BICDL1: variants seen among roughly 807,000 people sequenced by gnomAD.
The protein encoded by BICDL1 is BICD family-like cargo adapter 1.
In BICDL1, 20 loss-of-function variants were observed where a neutral mutation model predicts 76.8. The observed-to-expected ratio is 0.26, with a 90% confidence interval of 0.18 to 0.38. The LOEUF is 0.38. BICDL1 is among the 10% of genes least tolerant of loss of function. BICDL1 has a pLI of 1.00. For missense variants in BICDL1, 700 were observed against 798.6 expected, an observed-to-expected ratio of 0.88 and a Z score of 1.49; for synonymous variants, 383 against 337.1, an observed-to-expected ratio of 1.14 and a Z score of -1.49.
intron 2 of BICDL1, among the ~76,000 whole-genome samples, chr12:120,039,100 C>A (rs528201729): frequency 8.3e-4 from 126 of 152,072 alleles, no homozygotes; most frequent in African/African-American, 3.0e-3. Context: ...AGTTTGAGAC[C>A]AGCCTGGCCA....
At chr12:120,058,338 G>A (rs994779538) in intron 2 of BICDL1, among the ~76,000 whole-genome samples, 2 of 152,190 alleles carry the variant, frequency 1.3e-5, no homozygotes, top group Non-Finnish European at 2.9e-5. Flanking sequence ...TTGAGAAGAG[G>A]TAGTCTGCAG....
At chr12:120,066,106 A>G (rs1953214629) in intron 4 of BICDL1, among the ~76,000 whole-genome samples, 1 of 152,166 alleles carries the variant, frequency 6.6e-6, no homozygotes, top group African/African-American at 2.4e-5. Context: ...CCTCTTTGGC[A>G]TACAGGGTGC....
At chr12:120,039,044 C>T (rs979235029) in intron 2 of BICDL1, among the ~76,000 whole-genome samples, 7 of 152,200 alleles carry the variant, frequency 4.6e-5, no homozygotes, top group African/African-American at 1.7e-4. Context: ...AGCCTGTAAA[C>T]CCAGCACTTT....
rs188518718 is a variant in BICDL1, at chr12:120,051,288, T to C, written c.646-10422T>C. Reference sequence around the variant, plus strand: ...GTCTCAAAATCCTGACTTCGTGATCTGCCTGCCTCAGCCTCCCAAAGTGCT... The same window carrying C: ...GTCTCAAAATCCTGACTTCGTGATCCGCCTGCCTCAGCCTCCCAAAGTGCT... On this transcript the variant is annotated intron_variant, in intron 2 of 9. Transcript: ENST00000548673. Among the ~76,000 whole-genome samples, 37 of 152,150 alleles carry C rather than the reference T, an allele frequency of 2.4e-4. No individual in the cohort carries two copies. The East Asian group carries it at 5.2e-3, about 21-fold the overall frequency.
intron 8 of BICDL1, among the ~76,000 whole-genome samples, chr12:120,086,578 C>T (rs1465188357): frequency 5.3e-5 from 8 of 152,152 alleles, no homozygotes; most frequent in Admixed American, 4.6e-4. Context: ...ACTTCCTTCT[C>T]GTCACTGGGC....
At chr12:120,088,948 G>A (rs1232890332) in intron 8 of BICDL1, among the ~76,000 whole-genome samples, 1 of 152,220 alleles carries the variant, frequency 6.6e-6, no homozygotes, top group South Asian at 2.1e-4. Flanking sequence ...ACAGGGGTGA[G>A]CCACCGCACC....
chr12:120,061,910 A>G (rs1306876479), intron 3 of BICDL1, 84 bp downstream of exon 3: 3 of 848,010 alleles, frequency 3.5e-6, no homozygotes, highest in Non-Finnish European at 5.9e-6. Context: ...AAAAGGGCCT[A>G]AAATCTCTAC....
chr12:120,069,794 AGATACAGACCAC>A (rs1450656549), intron 4 of BICDL1, among the ~76,000 whole-genome samples: 1 of 152,228 alleles, frequency 6.6e-6, no homozygotes, highest in Admixed American at 6.5e-5. Context: ...ATGGAGATCA[AGATACAGACCAC>A]GATCAGCACC....
chr12:120,081,743 A>C (rs1387355611), intron 8 of BICDL1, among the ~76,000 whole-genome samples: 1 of 151,448 alleles, frequency 6.6e-6, no homozygotes, highest in African/African-American at 2.4e-5. Context: ...TTTTCAAGCA[A>C]ACACAAAAAT....
chr12:120,028,255 G>A (rs1214245344), intron 2 of BICDL1, among the ~76,000 whole-genome samples: 3 of 151,902 alleles, frequency 2.0e-5, no homozygotes, highest in Non-Finnish European at 4.4e-5. Context: ...TTTTACTCGA[G>A]TTTTAATTAA....
In BICDL1 at chr12:120,051,927, TTTG is replaced by T. The variant is rs144679799; in HGVS notation, c.646-9756_646-9754del. Among the ~76,000 whole-genome samples the T allele has an allele frequency of 4.5e-3, 676 of 151,632 alleles. 6 individuals carry two copies. The highest frequency in any genetic ancestry group is 0.011 in the South Asian group (53 of 4,800). ...TCCAATCTCTGCCAGTTTCTCAGTC[TTTG>T]TTGTTGTTGTTGTTGTTGTTGTTGT... is the stretch of plus-strand genomic sequence containing the variant. On this transcript the variant is annotated intron_variant, in intron 2 of 9. Transcript: ENST00000548673.
At chr12:120,010,517 A>G (rs1222832498) in intron 2 of BICDL1, among the ~76,000 whole-genome samples, 2 of 152,188 alleles carry the variant, frequency 1.3e-5, no homozygotes, top group Non-Finnish European at 2.9e-5. Flanking sequence ...AAAAAATCCC[A>G]TATAATTTGG....
At chr12:120,085,288 CA>C (rs1234624365) in intron 8 of BICDL1, among the ~76,000 whole-genome samples, 9 of 145,346 alleles carry the variant, frequency 6.2e-5, no homozygotes, top group East Asian at 2.0e-4. Flanking sequence ...CCTACCCAAA[CA>C]AAAAAAAAAG....
chr12:120,024,853 T>C (rs767811779), intron 2 of BICDL1, among the ~76,000 whole-genome samples: 1 of 151,976 alleles, frequency 6.6e-6, no homozygotes, highest in African/African-American at 2.4e-5. Flanking sequence ...TGTTGTTATA[T>C]TTTTAGTAAA....
intron 2 of BICDL1, among the ~76,000 whole-genome samples, chr12:120,047,486 T>A (rs1186926244): frequency 6.6e-6 from 1 of 152,216 alleles, no homozygotes. Context: ...ATTAGGGTTT[T>A]GAACCAGATT....
At chr12:120,047,411 C>T (rs763669710) in intron 2 of BICDL1, among the ~76,000 whole-genome samples, 3 of 152,184 alleles carry the variant, frequency 2.0e-5, no homozygotes, top group Non-Finnish European at 4.4e-5. Context: ...CAGGAACCTT[C>T]ATGCAAATTG....
intron 2 of BICDL1, among the ~76,000 whole-genome samples, chr12:120,008,237 T>C (rs769746956): frequency 1.4e-4 from 20 of 141,470 alleles, no homozygotes; most frequent in Non-Finnish European, 2.1e-4. Flanking sequence ...TGGCTCACTA[T>C]AGCCTTGACC....
chr12:120,013,933 T>C (rs1952009891), intron 2 of BICDL1, among the ~76,000 whole-genome samples: 1 of 152,242 alleles, frequency 6.6e-6, no homozygotes, highest in African/African-American at 2.4e-5. Context: ...ATTACAGTTG[T>C]TGAAGGGCAA....
chr12:120,042,764 C>T (rs1202044378), intron 2 of BICDL1, among the ~76,000 whole-genome samples: 1 of 150,438 alleles, frequency 6.6e-6, no homozygotes, highest in Non-Finnish European at 1.5e-5. Context: ...GAGATTGTGC[C>T]ACTGCGCTCC....
Sources: allele counts gnomAD v4.1 joint callset (sites outside exome capture counted in the v4.1 genomes callset), GRCh38; gene constraint gnomAD v4.1.1; transcripts MANE v1.5; gene names NCBI Gene and HGNC (gene_info 2026-07-23, HGNC 2026-07-21).